GALNTL6: variants seen among roughly 807,000 people sequenced by gnomAD.
The protein encoded by GALNTL6 is polypeptide N-acetylgalactosaminyltransferase like 6, also known as polypeptide N-acetylgalactosaminyltransferase-like 6.
A neutral mutation model predicts 73.7 loss-of-function variants in GALNTL6; 46 were observed. The ratio of observed to expected loss-of-function variants is 0.62; its 90% CI spans 0.49 to 0.80. The LOEUF (loss-of-function observed/expected upper bound fraction) is 0.80, where lower values mean the gene tolerates loss of function less well. Ranked by LOEUF, GALNTL6 falls within the 30% of genes least tolerant of loss-of-function variation. The pLI is 0.00. For synonymous variants in GALNTL6, 259 were observed against 263.7 expected, an observed-to-expected ratio of 0.98 and a Z score of 0.17; for missense variants, 604 against 755.0, an observed-to-expected ratio of 0.80 and a Z score of 2.34.
intron 5 of GALNTL6, among the ~76,000 whole-genome samples, chr4:172,544,986 A>T (rs1192123806): frequency 6.6e-6 from 1 of 152,168 alleles, no homozygotes; most frequent in African/African-American, 2.4e-5. Context: ...TGCTTATATC[A>T]GTGAATATAT....
chr4:172,050,737 T>A (rs1006852431), intron 2 of GALNTL6, among the ~76,000 whole-genome samples: 3 of 152,180 alleles, frequency 2.0e-5, no homozygotes, highest in African/African-American at 7.2e-5. Flanking sequence ...CCTTATATAC[T>A]TCTCCAGGCT....
At chr4:172,487,179 G>A (rs1313296692) in intron 5 of GALNTL6, among the ~76,000 whole-genome samples, 1 of 151,790 alleles carries the variant, frequency 6.6e-6, no homozygotes, top group Non-Finnish European at 1.5e-5. Context: ...GAAGATAAAA[G>A]TGAAAATCTT....
intron 2 of GALNTL6, among the ~76,000 whole-genome samples, chr4:171,875,910 C>T (rs1004724267): frequency 6.6e-6 from 1 of 151,500 alleles, no homozygotes; most frequent in African/African-American, 2.4e-5. Flanking sequence ...GGTTAAAAAC[C>T]ATGTTGTATA....
At chr4:172,477,996 G>A (rs1361795774) in intron 5 of GALNTL6, among the ~76,000 whole-genome samples, 1 of 152,164 alleles carries the variant, frequency 6.6e-6, no homozygotes, top group African/African-American at 2.4e-5. Context: ...TGACCTGGAG[G>A]TAGTGGCTGC....
chr4:172,782,137 C>G (rs1266876520), intron 5 of GALNTL6, among the ~76,000 whole-genome samples: 1 of 151,948 alleles, frequency 6.6e-6, no homozygotes, highest in South Asian at 2.1e-4. Context: ...ACCCACCTTG[C>G]CTTAATCAAT....
At chr4:172,738,512 C>A (rs1041899487) in intron 5 of GALNTL6, among the ~76,000 whole-genome samples, 5 of 152,100 alleles carry the variant, frequency 3.3e-5, no homozygotes, top group African/African-American at 9.7e-5. Context: ...CTATACTCTA[C>A]TCAAAAGGTA....
chr4:172,957,330 G>A (rs1749798401), intron 10 of GALNTL6, among the ~76,000 whole-genome samples: 1 of 152,204 alleles, frequency 6.6e-6, no homozygotes, highest in Non-Finnish European at 1.5e-5. Flanking sequence ...ATGAAATGAT[G>A]ACAGAATAGA....
intron 5 of GALNTL6, among the ~76,000 whole-genome samples, chr4:172,502,720 G>T (rs574061637): frequency 6.6e-6 from 1 of 152,312 alleles, no homozygotes; most frequent in South Asian, 2.1e-4. Context: ...GAAGTATTGA[G>T]CACTTACACT....
At chr4:172,705,239 T>G (rs945800707) in intron 5 of GALNTL6, among the ~76,000 whole-genome samples, 1 of 151,660 alleles carries the variant, frequency 6.6e-6, no homozygotes, top group African/African-American at 2.4e-5. Context: ...ATGGTTGTTT[T>G]GTAGCTCCTC....
intron 2 of GALNTL6, among the ~76,000 whole-genome samples, chr4:172,099,745 T>C (rs1260831004): frequency 2.0e-5 from 3 of 152,176 alleles, no homozygotes; most frequent in African/African-American, 7.2e-5. Flanking sequence ...ATCTAGGAAT[T>C]AAAATCTCTA....
intron 2 of GALNTL6, among the ~76,000 whole-genome samples, chr4:171,855,523 T>C (rs1164081817): frequency 6.6e-6 from 1 of 152,250 alleles, no homozygotes; most frequent in Non-Finnish European, 1.5e-5. Flanking sequence ...ATTCACCTAT[T>C]GAAGGACATC....
intron 5 of GALNTL6, among the ~76,000 whole-genome samples, chr4:172,565,045 G>A (rs1389482992): frequency 6.6e-6 from 1 of 152,178 alleles, no homozygotes; most frequent in Admixed American, 6.5e-5. Flanking sequence ...TCTGGAGAGG[G>A]CCCACCCTGC....
At chr4:172,534,072 T>G (rs1735259943) in intron 5 of GALNTL6, among the ~76,000 whole-genome samples, 1 of 152,070 alleles carries the variant, frequency 6.6e-6, no homozygotes, top group Non-Finnish European at 1.5e-5. Flanking sequence ...AAATAAAGGG[T>G]ATAATGTGAA....
chr4:171,870,113 G>A (rs746248883), intron 2 of GALNTL6, among the ~76,000 whole-genome samples: 5 of 152,172 alleles, frequency 3.3e-5, no homozygotes, highest in African/African-American at 4.8e-5. Context: ...CATGCAGGAC[G>A]TATTCGCTTC....
intron 5 of GALNTL6, among the ~76,000 whole-genome samples, chr4:172,540,888 A>C (rs1411577111): frequency 1.3e-5 from 2 of 152,150 alleles, no homozygotes; most frequent in Non-Finnish European, 2.9e-5. Flanking sequence ...ATAAACAGAA[A>C]ATGTCTGTTT....
chr4:171,927,403 G>A (rs28647375), intron 2 of GALNTL6, among the ~76,000 whole-genome samples: 2,677 of 152,078 alleles, frequency 0.018, 77 homozygotes, highest in African/African-American at 0.062. Flanking sequence ...TTACAGAACT[G>A]AGTCTATGAT....
At chr4:172,898,818 G>GA (rs1746472571) in intron 8 of GALNTL6, among the ~76,000 whole-genome samples, 1 of 152,178 alleles carries the variant, frequency 6.6e-6, no homozygotes, top group Non-Finnish European at 1.5e-5. Context: ...AGGTGTTAAA[G>GA]AAAAGACAGA....
At chr4:173,007,011 C>G (rs1399577047) in intron 10 of GALNTL6, among the ~76,000 whole-genome samples, 1 of 152,182 alleles carries the variant, frequency 6.6e-6, no homozygotes, top group Admixed American at 6.5e-5. Flanking sequence ...AACCTGTTGC[C>G]TAAGTCCCTA....
intron 2 of GALNTL6, among the ~76,000 whole-genome samples, chr4:172,205,509 A>T (rs1277916236): frequency 6.6e-6 from 1 of 152,226 alleles, no homozygotes; most frequent in Non-Finnish European, 1.5e-5. Context: ...ACATCTTGGT[A>T]ATCTACAGTA....
Sources: allele counts gnomAD v4.1 joint callset (sites outside exome capture counted in the v4.1 genomes callset), GRCh38; gene constraint gnomAD v4.1.1; transcripts MANE v1.5; gene names NCBI Gene and HGNC (gene_info 2026-07-23, HGNC 2026-07-21).